The following WWOX variants were observed in gnomAD, a reference collection of about 807,000 sequenced individuals.
The protein encoded by WWOX is WW domain containing oxidoreductase, also known as WW domain-containing oxidoreductase.
In WWOX, 69 loss-of-function variants were observed where a neutral mutation model predicts 46.2. That is an observed-to-expected ratio of 1.49 (90% CI 1.23 to 1.82). The LOEUF (loss-of-function observed/expected upper bound fraction) is 1.82. Ranked by LOEUF, WWOX falls within the 40% of genes most tolerant of loss-of-function variation. The pLI, the probability that WWOX is intolerant of heterozygous loss-of-function variation, is 0.00. For missense variants in WWOX, 919 were observed against 542.6 expected (o/e 1.69, Z -6.89); for synonymous variants, 359 against 202.6 (o/e 1.77, Z -6.56).
chr16:78,445,388 T>C (rs1427612080), intron 8 of WWOX, among the ~76,000 whole-genome samples: 1 of 152,160 alleles, frequency 6.6e-6, no homozygotes. Context: ...TCAACAAATA[T>C]TATTGAGCAT....
chr16:78,926,269 A>G (rs528163383), intron 8 of WWOX, among the ~76,000 whole-genome samples: 2 of 151,982 alleles, frequency 1.3e-5, no homozygotes, highest in East Asian at 1.9e-4. Flanking sequence ...GCTACCTGGG[A>G]GGCTAAAGTG....
rs372608031 is a variant in WWOX at position 78,793,814 on chromosome 16, G to A, written c.1056+361062G>A. ...TTTTTGGCTGGGCAAGGTGGCTCACGTCTGTAATCCCAGCACGTTGGGAGG... is the reference window on the plus strand; with the variant it reads ...TTTTTGGCTGGGCAAGGTGGCTCACATCTGTAATCCCAGCACGTTGGGAGG... On this transcript the variant is annotated intron_variant, in intron 8 of 8. Coordinates refer to ENST00000566780, the MANE Select transcript of WWOX (RefSeq NM_016373.4). Among the ~76,000 whole-genome samples, 11 of 152,128 alleles carry A rather than the reference G, an allele frequency of 7.2e-5. 1 individual carries two copies. Among genetic ancestry groups the A allele is most frequent in the Middle Eastern group, 3.4e-3 (1 of 294 alleles).
At chr16:78,498,034 C>G (rs1018658018) in intron 8 of WWOX, among the ~76,000 whole-genome samples, 3 of 151,824 alleles carry the variant, frequency 2.0e-5, no homozygotes, top group South Asian at 4.2e-4. Flanking sequence ...AATGCTGTCT[C>G]TACTAAAAAT....
At chr16:78,483,376 T>A (rs894658769) in intron 8 of WWOX, among the ~76,000 whole-genome samples, 3 of 89,662 alleles carry the variant, frequency 3.3e-5, no homozygotes, top group African/African-American at 1.8e-4. Context: ...ACATGGAAGA[T>A]TTTTTTTTTT....
chr16:78,908,581 G>A lies in WWOX; in HGVS notation c.1057-303027G>A, dbSNP rs182633085. Among the ~76,000 whole-genome samples, 5 of 152,042 alleles carry A rather than the reference G, an allele frequency of 3.3e-5. No individual in the cohort carries two copies. In the South Asian group the frequency reaches 6.2e-4, roughly 19 times the overall value. ...GTTTAATTCATGCAGAGCTGGCTGT[G>A]TGGGAGACCAGAGTTTTATTATTAC... On this transcript the variant is annotated intron_variant, in intron 8 of 8. Transcript: ENST00000566780.
At chr16:78,511,154 C>T (rs556898203) in intron 8 of WWOX, among the ~76,000 whole-genome samples, 7 of 152,200 alleles carry the variant, frequency 4.6e-5, no homozygotes, top group Non-Finnish European at 7.4e-5. Flanking sequence ...CCCTTGCAAC[C>T]GCCTGTACAA....
chr16:78,398,229 C>T (rs761812558), intron 6 of WWOX, among the ~76,000 whole-genome samples: 1 of 152,162 alleles, frequency 6.6e-6, no homozygotes, highest in Non-Finnish European at 1.5e-5. Context: ...AGCTACACTT[C>T]CTGCTGTGGC....
chr16:78,525,345 C>T (rs1424423773), intron 8 of WWOX: 8 of 151,940 alleles, frequency 5.3e-5, no homozygotes, highest in Admixed American at 2.0e-4. Context: ...GCCACCACGC[C>T]CGGCTAATTT....
intron 8 of WWOX, among the ~76,000 whole-genome samples, chr16:78,436,315 G>T (rs1396645912): frequency 6.6e-6 from 1 of 152,130 alleles, no homozygotes; most frequent in African/African-American, 2.4e-5. Context: ...TAGAAAGGGC[G>T]TCCAGGTGAA....
chr16:78,624,287 T>C (rs541104702), intron 8 of WWOX, among the ~76,000 whole-genome samples: 10 of 152,100 alleles, frequency 6.6e-5, no homozygotes, highest in African/African-American at 2.4e-4. Flanking sequence ...AAAGGACATG[T>C]ATTTCCAACT....
intron 8 of WWOX, among the ~76,000 whole-genome samples, chr16:78,645,203 G>C (rs1381424407): frequency 6.6e-6 from 1 of 152,024 alleles, no homozygotes. Context: ...TCTCCTGCGT[G>C]GTCTTGTTCT....
intron 5 of WWOX, among the ~76,000 whole-genome samples, chr16:78,304,734 T>C (rs2151869438): frequency 6.6e-6 from 1 of 152,346 alleles, no homozygotes; most frequent in Middle Eastern, 3.4e-3. Context: ...ATGGGCAACC[T>C]TGTACACATT....
chr16:79,123,575 C>A (rs539726381), intron 8 of WWOX, among the ~76,000 whole-genome samples: 1 of 152,064 alleles, frequency 6.6e-6, no homozygotes, highest in Non-Finnish European at 1.5e-5. Flanking sequence ...CGTTGAGACC[C>A]AGAAGGGTCT....
intron 8 of WWOX, among the ~76,000 whole-genome samples, chr16:79,056,595 C>T (rs985026085): frequency 8.5e-5 from 13 of 152,190 alleles, no homozygotes; most frequent in African/African-American, 3.1e-4. Context: ...GGATGTTTAG[C>T]AGCATCCCTG....
chr16:78,799,294 G>A (rs1361090598), intron 8 of WWOX, among the ~76,000 whole-genome samples: 1 of 152,170 alleles, frequency 6.6e-6, no homozygotes, highest in African/African-American at 2.4e-5. Flanking sequence ...CAGTCTGTGA[G>A]AAGGAATGAA....
intron 8 of WWOX, among the ~76,000 whole-genome samples, chr16:78,807,351 CAAG>C (rs2142688813): frequency 6.6e-6 from 1 of 152,300 alleles, no homozygotes; most frequent in East Asian, 1.9e-4. Flanking sequence ...GAATCTAAAA[CAAG>C]AGGACCAGAG....
At chr16:78,541,323 A>T (rs1441648852) in intron 8 of WWOX, among the ~76,000 whole-genome samples, 1 of 150,614 alleles carries the variant, frequency 6.6e-6, no homozygotes, top group Non-Finnish European at 1.5e-5. Context: ...AAATACAAAA[A>T]ATTAGCCGGG....
chr16:78,423,431 C>T (rs1193237761), intron 6 of WWOX, among the ~76,000 whole-genome samples: 1 of 152,110 alleles, frequency 6.6e-6, no homozygotes, highest in African/African-American at 2.4e-5. Context: ...TAGTTTGTCA[C>T]AAACACCGTG....
rs587777127 is a variant in WWOX, at chr16:79,211,665, G to A, written c.1114G>A (p.Gly372Arg). Residue 372 changes from glycine to arginine, a missense_variant, in exon 9 of 9, where the codon GGA becomes AGA. Gly to Arg is a moderately radical substitution (Grantham distance 125). Coordinates refer to ENST00000566780, the MANE Select transcript of WWOX (RefSeq NM_016373.4). Reference sequence around the variant, plus strand: ...TGCTGTCCCAGAACTGGAGGGTCTGGGAGGGATGTACTTCAACAACTGCTG... The same window carrying A: ...TGCTGTCCCAGAACTGGAGGGTCTGAGAGGGATGTACTTCAACAACTGCTG... ...CAAVPELEGL[G>R]GMYFNNCCRC... 1 of 1,614,072 alleles carries A rather than the reference G, an allele frequency of 6.2e-7. No individual in the cohort carries two copies. Among genetic ancestry groups the A allele is most frequent in the South Asian group, 1.1e-5 (1 of 91,088 alleles).
Sources: allele counts gnomAD v4.1 joint callset (sites outside exome capture counted in the v4.1 genomes callset), GRCh38; gene constraint gnomAD v4.1.1; transcripts MANE v1.5; gene names NCBI Gene and HGNC (gene_info 2026-07-23, HGNC 2026-07-21).